The following TMEM225 variants were observed in gnomAD, a reference collection of about 807,000 sequenced individuals.
TMEM225 encodes the protein PMP22 claudin domain-containing protein.
A neutral mutation model predicts 17.6 loss-of-function variants in TMEM225; 10 were observed. That is an observed-to-expected ratio of 0.57 (90% confidence interval 0.35 to 0.96). The LOEUF (loss-of-function observed/expected upper bound fraction) is 0.96, where lower values mean the gene tolerates loss of function less well. TMEM225 is among the 40% of genes least tolerant of loss of function. TMEM225 has a pLI of 0.02. For missense variants in TMEM225, 245 were observed against 271.5 expected (o/e 0.90, Z 0.69); for synonymous variants, 101 against 94.5 (o/e 1.07, Z -0.40).
At chr11:123,884,396 T>C in intron 2 of TMEM225, 94 bp downstream of exon 2, 1 of 1,275,196 alleles carries the variant, frequency 7.8e-7, no homozygotes, top group Non-Finnish European at 1.1e-6. Flanking sequence ...ACTCAGAAGC[T>C]ACATATATAT....
intron 1 of TMEM225, among the ~76,000 whole-genome samples, 160 bp from the exon 2 acceptor site, chr11:123,884,796 C>T (rs1409279360): frequency 6.6e-6 from 1 of 152,102 alleles, no homozygotes; most frequent in Non-Finnish European, 1.5e-5. Flanking sequence ...GAACCTTAAG[C>T]TGAATAAGAG....
Position 123,884,220 on chromosome 11 carries a change from GACAAA to G in TMEM225, c.329-16_329-12del. 1.5e-6 allele frequency: 1 copy of G among 651,694 alleles called. No homozygotes were observed. Among genetic ancestry groups the G allele is most frequent in the Non-Finnish European group, 1.9e-6 (1 of 513,294 alleles). The allele number at this position is 651,694 out of a possible 1,614,324, so 40.4% of individuals were successfully genotyped here. ...AGAGCAGAGAGATACCTGATGTCCA[GACAAA>G]AAAAAAAAAAAAAAAAGAAAAAGAA... On this transcript the variant is annotated splice_polypyrimidine_tract_variant and intron_variant, in intron 2 of 3. Coordinates refer to ENST00000375026, the MANE Select transcript of TMEM225 (RefSeq NM_001013743.3).
At position 123,884,192 on chromosome 11, in the gene TMEM225, C is replaced by T; in HGVS notation, c.346G>A (p.Ala116Thr). ...AGCTTATTGTGATATAGTATGAGTGCCCAGAGCAGAGAGATACCTGATGTC... is the reference window on the plus strand; with the variant it reads ...AGCTTATTGTGATATAGTATGAGTGTCCAGAGCAGAGAGATACCTGATGTC... ...SFFSGISLLWALILYHNKLKQ... is the reference protein window; with the variant it reads ...SFFSGISLLWTLILYHNKLKQ... The change falls in exon 3 of 4, where the codon GCA becomes ACA. Residue 116 changes from alanine (A) to threonine (T), a missense_variant. By Grantham distance (58) the Ala-to-Thr change is moderately conservative. Coordinates refer to ENST00000375026, the MANE Select transcript of TMEM225 (RefSeq NM_001013743.3). 1 of 1,591,182 alleles carries T rather than the reference C, an allele frequency of 6.3e-7. No individual in the cohort carries two copies. The highest frequency in any genetic ancestry group is 1.7e-5 in the Admixed American group (1 of 57,238).
At position 123,885,620 on chromosome 11, in the gene TMEM225, G is replaced by A. The variant is rs1863033138; in HGVS notation, c.-195C>T. On this transcript the variant is annotated 5_prime_UTR_variant, in exon 1 of 4. Coordinates refer to ENST00000375026, the MANE Select transcript of TMEM225 (RefSeq NM_001013743.3). ...CTTCCTCACTTCCGTTATCTATCAG[G>A]GCCAGCCTGCTGTCAGGACTGCCAA... The A allele has an allele frequency of 3.4e-6, 2 of 586,778 alleles. No homozygotes were observed. Among genetic ancestry groups the A allele is most frequent in the Non-Finnish European group, 5.9e-6 (2 of 336,802 alleles). The allele number at this position is 586,778 out of a possible 1,614,324, so 36.3% of individuals were successfully genotyped here.
rs747002457 is a variant in TMEM225 at position 123,883,213 on chromosome 11, A to G, written c.603T>C (p.Arg201=). ...TCACAGTGTGTGCACGGACAATGCT[A>G]CGAGGCATTGCAGTGCATTCTGGTA... is the stretch of plus-strand genomic sequence containing the variant. ...ISLPECTAMP[R]SIVRAHTVNS... The change falls in exon 4 of 4, where the codon CGT becomes CGC. Residue 201 remains arginine (R), a synonymous_variant. Coordinates refer to ENST00000375026, the MANE Select transcript of TMEM225 (RefSeq NM_001013743.3). 5.0e-6 allele frequency: 8 copies of G among 1,613,206 alleles called. No individual in the cohort carries two copies. Among genetic ancestry groups the G allele is most frequent in the South Asian group, 1.1e-5 (1 of 91,066 alleles).
In TMEM225 at chr11:123,884,146, T is replaced by A; in HGVS notation, c.392A>T (p.His131Leu). 1 of 1,607,270 alleles carries A rather than the reference T, an allele frequency of 6.2e-7. No individual in the cohort carries two copies. ...CCAGGTGATCCTATAACTAGAGAAG[T>A]GCATGGATTGACCTTGCTTCAGCTT... ...HNKLKQGQSMHFSSYRITWIM... is the reference protein window; with the variant it reads ...HNKLKQGQSMLFSSYRITWIM... Residue 131 changes from histidine to leucine, a missense_variant, in exon 3 of 4, where the codon CAC becomes CTC. Coordinates refer to ENST00000375026, the MANE Select transcript of TMEM225 (RefSeq NM_001013743.3).
At chr11:123,884,300 A>G (rs1047532335) in intron 2 of TMEM225, 91 bp from the exon 3 acceptor site, 3 of 1,460,590 alleles carry the variant, frequency 2.1e-6, no homozygotes, top group African/African-American at 1.4e-5. Context: ...TCTTCATTCC[A>G]TATACACTTG....
At position 123,884,217 on chromosome 11, in the gene TMEM225, C is replaced by T. The variant is rs568845384; in HGVS notation, c.329-8G>A. 8.0e-6 allele frequency: 11 copies of T among 1,382,688 alleles called. No individual in the cohort carries two copies. The highest frequency in any genetic ancestry group is 5.4e-5 in the Admixed American group (2 of 36,730). The allele number at this position is 1,382,688 out of a possible 1,614,324, so 85.7% of individuals were successfully genotyped here. On this transcript the variant is annotated splice_region_variant and splice_polypyrimidine_tract_variant and intron_variant, in intron 2 of 3. Coordinates refer to ENST00000375026, the MANE Select transcript of TMEM225 (RefSeq NM_001013743.3). Reference sequence around the variant, plus strand: ...CCCAGAGCAGAGAGATACCTGATGTCCAGACAAAAAAAAAAAAAAAAAAAG... The same window carrying T: ...CCCAGAGCAGAGAGATACCTGATGTTCAGACAAAAAAAAAAAAAAAAAAAG...
Position 123,883,296 on chromosome 11 carries a change from T to C in TMEM225, c.520A>G (p.Ile174Val). 1.9e-6 allele frequency: 3 copies of C among 1,613,346 alleles called. No individual in the cohort carries two copies. Among genetic ancestry groups the C allele is most frequent in the South Asian group, 1.1e-5 (1 of 91,060 alleles). The stretch of plus-strand genomic sequence containing the variant: ...TTACATTCGTTGTCAGATTTATGGA[T>C]GTTCAGGCAGGTACAGCTACTGGTA... Reference protein sequence around the residue: ...LSTSSCTCLNIHKSDNECKES... With the variant: ...LSTSSCTCLNVHKSDNECKES... Residue 174 changes from isoleucine to valine, a missense_variant, in exon 4 of 4, where the codon ATC (isoleucine) becomes GTC (valine). Coordinates refer to ENST00000375026, the MANE Select transcript of TMEM225 (RefSeq NM_001013743.3).
At position 123,884,220 on chromosome 11, in the gene TMEM225, G is replaced by GTCAAA; in HGVS notation, c.329-12_329-11insTTTGA. On this transcript the variant is annotated splice_polypyrimidine_tract_variant and intron_variant, in intron 2 of 3. Coordinates refer to ENST00000375026, the MANE Select transcript of TMEM225 (RefSeq NM_001013743.3). ...AGAGCAGAGAGATACCTGATGTCCA[G>GTCAAA]ACAAAAAAAAAAAAAAAAAAAGAAA... The GTCAAA allele has an allele frequency of 1.5e-6, 1 of 651,706 alleles. No individual in the cohort carries two copies. The highest frequency in any genetic ancestry group is 5.6e-5 in the South Asian group (1 of 17,994). The allele number at this position is 651,706 out of a possible 1,614,324, so 40.4% of individuals were successfully genotyped here.
chr11:123,884,749 A>G, intron 1 of TMEM225, 113 bp from the exon 2 acceptor site: 6 of 1,015,158 alleles, frequency 5.9e-6, no homozygotes, highest in Non-Finnish European at 8.5e-6. Context: ...AGATTTGATT[A>G]AACAATAAGA....
At chr11:123,884,456 C>T (rs199909910) in intron 2 of TMEM225, 34 bp downstream of exon 2, 36 of 1,589,290 alleles carry the variant, frequency 2.3e-5, no homozygotes, top group Non-Finnish European at 2.9e-5. Context: ...CAAAGTACAC[C>T]TACAAGCTTG....
chr11:123,883,541 C>G (rs1565563719), intron 3 of TMEM225, among the ~76,000 whole-genome samples, 189 bp from the exon 4 acceptor site: 1 of 152,122 alleles, frequency 6.6e-6, no homozygotes, highest in East Asian at 1.9e-4. Context: ...AAATTCTGCT[C>G]AGCTTAAGAA....
rs201961554 is a variant in TMEM225, at chr11:123,884,605, C to A, written c.213G>T (p.Thr71=). ...DDLKVVRIMM[T]SSLGLSFLLN... ...GGAGGAAGGAAAGGCCAAGGCTCGA[C>A]GTCATCATAATCCTGACCACTTTCA... Residue 71 remains threonine, a synonymous_variant, in exon 2 of 4, where the codon ACG becomes ACT. Coordinates refer to ENST00000375026, the MANE Select transcript of TMEM225 (RefSeq NM_001013743.3). The A allele has an allele frequency of 1.2e-6, 2 of 1,613,186 alleles. No individual in the cohort carries two copies. Among genetic ancestry groups the A allele is most frequent in the Middle Eastern group, 1.7e-4 (1 of 6,046 alleles).
At chr11:123,883,461 T>A in intron 3 of TMEM225, 109 bp from the exon 4 acceptor site, 1 of 760,816 alleles carries the variant, frequency 1.3e-6, no homozygotes, top group Non-Finnish European at 2.2e-6. Flanking sequence ...GGATCCCTTT[T>A]AACTACCGAA....
chr11:123,884,648 CA>C lies in TMEM225; in HGVS notation c.182-13del. 1 of 1,606,798 alleles carries C rather than the reference CA, an allele frequency of 6.2e-7. No individual in the cohort carries two copies. The highest frequency in any genetic ancestry group is 1.3e-5 in the African/African-American group (1 of 74,602). On this transcript the variant is annotated splice_polypyrimidine_tract_variant and intron_variant, in intron 1 of 3. Transcript: ENST00000375026. ...CACTTTCAGGTCATCTGTTGGAAAG[CA>C]AAAGCTGTTTTGAGAGGACAGATAT...
chr11:123,883,819 C>T (rs971520849), intron 3 of TMEM225, among the ~76,000 whole-genome samples: 14 of 152,152 alleles, frequency 9.2e-5, no homozygotes, highest in South Asian at 4.1e-4. Flanking sequence ...TGCCCCAAAG[C>T]GGGGAGGGTG....
Position 123,884,056 on chromosome 11 carries a change from G to C in TMEM225, c.463+19C>G. ...TGGATTGGTTCTTAACACCCTTCAG[G>C]GGCCCTGGAGACACTCACCACAGAC... On this transcript the variant is annotated intron_variant, in intron 3 of 3. Transcript: ENST00000375026. 6.3e-7 allele frequency: 1 copy of C among 1,589,960 alleles called. No individual in the cohort carries two copies. Among genetic ancestry groups the C allele is most frequent in the Non-Finnish European group, 8.5e-7 (1 of 1,170,148 alleles).
At chr11:123,885,099 T>C (rs1054180158) in intron 1 of TMEM225, 146 bp downstream of exon 1, 8 of 747,424 alleles carry the variant, frequency 1.1e-5, no homozygotes, top group Non-Finnish European at 1.7e-5. Flanking sequence ...CTGTATTGAC[T>C]ATGGAAGGAA....
Sources: gnomAD v4.1 joint callset for allele counts (sites outside exome capture counted in the v4.1 genomes callset) on GRCh38, gnomAD v4.1.1 for gene constraint, MANE v1.5 for transcripts, NCBI Gene and HGNC (gene_info 2026-07-23, HGNC 2026-07-21) for gene names.